The following ALOX12B variants were observed in gnomAD, a reference collection of about 807,000 sequenced individuals.
The protein encoded by ALOX12B is arachidonate 12-lipoxygenase, 12R type.
Under a neutral mutation model 78.9 loss-of-function variants are expected in ALOX12B, and 47 were observed. That is an observed-to-expected ratio of 0.60 (90% CI 0.47 to 0.76). The LOEUF is 0.76. ALOX12B is among the 30% of genes least tolerant of loss of function. ALOX12B has a pLI of 0.00. For missense variants in ALOX12B, 805 were observed against 922.6 expected (o/e 0.87, Z 1.65); for synonymous variants, 370 against 374.5 (o/e 0.99, Z 0.14).
At position 8,075,731 on chromosome 17, in the gene ALOX12B, G is replaced by T; in HGVS notation, c.1533-15C>A. The T allele has an allele frequency of 6.2e-7, 1 of 1,614,192 alleles. No individual in the cohort carries two copies. Among genetic ancestry groups the T allele is most frequent in the Non-Finnish European group, 8.5e-7 (1 of 1,180,030 alleles). ...CCGTCACATACCTGACCAGGGGACA[G>T]GGCCTCAGTTTGGATCCTCCTCCCC... On this transcript the variant is annotated splice_polypyrimidine_tract_variant and intron_variant, in intron 11 of 14. Coordinates refer to ENST00000647874, the MANE Select transcript of ALOX12B (RefSeq NM_001139.3).
At position 8,079,617 on chromosome 17, in the gene ALOX12B, G is replaced by T. The variant is rs772999921; in HGVS notation, c.928-78C>A. 6.5e-7 allele frequency: 1 copy of T among 1,539,088 alleles called. No individual in the cohort carries two copies. Among genetic ancestry groups the T allele is most frequent in the Non-Finnish European group, 8.8e-7 (1 of 1,139,868 alleles). On this transcript the variant is annotated intron_variant, in intron 7 of 14. Coordinates refer to ENST00000647874, the MANE Select transcript of ALOX12B (RefSeq NM_001139.3). This position sits in a 1 kb window ranked among gnomAD's most constrained non-coding sequence, Gnocchi z 6.4. ...GACCCGCGCCGCAGGTGCACAGGGC[G>T]CTGGCGACTAGGGGCAGGGGTGGGA...
intron 2 of ALOX12B, among the ~76,000 whole-genome samples, chr17:8,082,449 A>G (rs1206773658): frequency 1.3e-5 from 2 of 152,202 alleles, no homozygotes; most frequent in East Asian, 3.9e-4. Flanking sequence ...TTATCTATAA[A>G]CACTGTGTTC....
Position 8,087,251 on chromosome 17 carries a change from CACACACAG to C in ALOX12B, c.147+37_147+44del, listed in dbSNP as rs780060372. 0.025 allele frequency: 30,786 copies of C among 1,247,808 alleles called. 378 individuals are homozygous for C. The highest frequency in any genetic ancestry group is 0.051 in the East Asian group (1,786 of 34,726). The allele number at this position is 1,247,808 out of a possible 1,614,324, so 77.3% of individuals were successfully genotyped here. The stretch of plus-strand genomic sequence containing the variant: ...AGACACACACAGACACACACACACA[CACACACAG>C]ACACACACACACACACACACACACA... On this transcript the variant is annotated intron_variant, in intron 1 of 14. Coordinates refer to ENST00000647874, the MANE Select transcript of ALOX12B (RefSeq NM_001139.3).
At position 8,076,679 on chromosome 17, in the gene ALOX12B, T is replaced by C; in HGVS notation, c.1340A>G (p.Asn447Ser). The C allele has an allele frequency of 1.3e-6, 2 of 1,551,366 alleles. No homozygotes were observed. Among genetic ancestry groups the C allele is most frequent in the Middle Eastern group, 1.8e-4 (1 of 5,676 alleles). The change falls in exon 10 of 15, where the codon AAT (asparagine) becomes AGT (serine). Residue 447 changes from asparagine (N) to serine (S), a missense_variant. By Grantham distance (46) the Asn-to-Ser change is conservative. Transcript: ENST00000647874. ...TACCTTGGCAGAGAGCCCCCCCTCA[T>C]TGAGGAGAACGGCCCGGCCAATGCT... Reference protein sequence around the residue: ...INSIGRAVLLNEGGLSAKGMS... With the variant: ...INSIGRAVLLSEGGLSAKGMS...
intron 2 of ALOX12B, among the ~76,000 whole-genome samples, chr17:8,085,068 T>C (rs1444555175): frequency 2.0e-5 from 3 of 152,146 alleles, no homozygotes; most frequent in Non-Finnish European, 2.9e-5. Flanking sequence ...CCCTATTAGA[T>C]AGATCCTTAC....
chr17:8,086,030 A>G lies in ALOX12B; in HGVS notation c.338T>C (p.Leu113Pro), dbSNP rs1567985231. 1 of 1,614,120 alleles carries G rather than the reference A, an allele frequency of 6.2e-7. No homozygotes were observed. Among genetic ancestry groups the G allele is most frequent in the Non-Finnish European group, 8.5e-7 (1 of 1,179,994 alleles). The change falls in exon 2 of 15, where the codon CTC becomes CCC. Residue 113 changes from leucine (L) to proline (P), a missense_variant. By Grantham distance (98) the Leu-to-Pro change is moderately conservative (BLOSUM62 -3). Coordinates refer to ENST00000647874, the MANE Select transcript of ALOX12B (RefSeq NM_001139.3). Reference protein sequence around the residue: ...QWMDGYETLALREATGKTTAD... With the variant: ...QWMDGYETLAPREATGKTTAD... ...TGAGGGCTTACCTGTGGCCTCCCGG[A>G]GTGCCAGGGTCTCGTAGCCATCCAT... is the stretch of plus-strand genomic sequence containing the variant.
In ALOX12B at chr17:8,080,897, G is replaced by C. The variant is rs143010639; in HGVS notation, c.514C>G (p.Pro172Ala). 2 of 1,613,814 alleles carry C rather than the reference G, an allele frequency of 1.2e-6. No homozygotes were observed. Among genetic ancestry groups the C allele is most frequent in the African/African-American group, 2.7e-5 (2 of 74,880 alleles). Residue 172 changes from proline to alanine, a missense_variant, in exon 4 of 15, where the codon CCC becomes GCC. Coordinates refer to ENST00000647874, the MANE Select transcript of ALOX12B (RefSeq NM_001139.3). The surrounding 1 kb of genome is among the most constrained non-coding windows in gnomAD (Gnocchi z 4.8). ...YRPPVRRHRN[P>A]NRPEWNGYIP... is the part of the protein sequence containing the mutation. Reference sequence around the variant, plus strand: ...TCGGGTCCTTACTCAGGCCGGTTGGGGTTGCGATGCCTCCGCACCGGAGGG... The same window carrying C: ...TCGGGTCCTTACTCAGGCCGGTTGGCGTTGCGATGCCTCCGCACCGGAGGG...
Position 8,080,145 on chromosome 17 carries a change from C to T in ALOX12B, c.754+90G>A. 3 of 1,512,184 alleles carry T rather than the reference C, an allele frequency of 2.0e-6. No individual in the cohort carries two copies. Among genetic ancestry groups the T allele is most frequent in the Non-Finnish European group, 2.8e-6 (3 of 1,088,004 alleles). 93.7% of individuals were successfully genotyped at this position (1,512,184 alleles called of 1,614,324 possible). A position where few individuals can be genotyped will look rare whatever the true frequency, so the allele number is the denominator to read the frequency against. ...GCGCGCGCGCGCCTCGCTGCCTCTC[C>T]CGTCCCACTGCCCCGAAGTCGGGGG... On this transcript the variant is annotated intron_variant, in intron 6 of 14. Transcript: ENST00000647874. This position sits in a 1 kb window ranked among gnomAD's most constrained non-coding sequence, Gnocchi z 4.8.
chr17:8,081,862 C>G (rs2048369803), intron 2 of ALOX12B, among the ~76,000 whole-genome samples: 2 of 152,124 alleles, frequency 1.3e-5, no homozygotes, highest in Non-Finnish European at 2.9e-5. Context: ...AGGGTGGTCT[C>G]GAACTCCTGA....
At chr17:8,078,133 T>G (rs1977127483) in intron 8 of ALOX12B, among the ~76,000 whole-genome samples, 1 of 148,862 alleles carries the variant, frequency 6.7e-6, no homozygotes, top group Admixed American at 6.6e-5. Context: ...ATTTATTTAT[T>G]TATTTATTTA....
At chr17:8,084,341 T>C (rs1978291312) in intron 2 of ALOX12B, among the ~76,000 whole-genome samples, 1 of 152,126 alleles carries the variant, frequency 6.6e-6, no homozygotes, top group South Asian at 2.1e-4. Flanking sequence ...TCCACCTGCC[T>C]CAGCTCATGT....
chr17:8,073,743 A>G lies in ALOX12B; in HGVS notation c.1669T>C (p.Leu557=). The G allele has an allele frequency of 6.2e-7, 1 of 1,614,074 alleles. No homozygotes were observed. The highest frequency in any genetic ancestry group is 8.5e-7 in the Non-Finnish European group (1 of 1,179,966). ...CGGATCAGCTCAGGCACGGTTCGCAAGCACCTAGGGAAGCCTGACCGGCGG... is the reference window on the plus strand; with the variant it reads ...CGGATCAGCTCAGGCACGGTTCGCAGGCACCTAGGGAAGCCTGACCGGCGG... ...GRESSGFPRC[L]RTVPELIRYV... The change falls in exon 13 of 15, where the codon TTG becomes CTG. Residue 557 remains leucine (L), a synonymous_variant. Transcript: ENST00000647874.
chr17:8,087,181 G>T (rs1396345960), intron 1 of ALOX12B, 115 bp downstream of exon 1: 26 of 1,462,456 alleles, frequency 1.8e-5, no homozygotes, highest in Non-Finnish European at 2.4e-5. Context: ...CTCCCCCTGC[G>T]CACCTTCACC....
chr17:8,073,553 T>C (rs1252653741), intron 13 of ALOX12B, 104 bp downstream of exon 13: 2 of 1,178,342 alleles, frequency 1.7e-6, no homozygotes, highest in Non-Finnish European at 2.5e-6. Context: ...AAGTTGAGGC[T>C]GGACCAGGGA....
rs1298360653 is a variant in ALOX12B at position 8,080,621 on chromosome 17, A to G, written c.650+37T>C. The G allele has an allele frequency of 1.9e-6, 3 of 1,613,712 alleles. No homozygotes were observed. Among genetic ancestry groups the G allele is most frequent in the African/African-American group, 2.7e-5 (2 of 74,908 alleles). On this transcript the variant is annotated intron_variant, in intron 5 of 14. Coordinates refer to ENST00000647874, the MANE Select transcript of ALOX12B (RefSeq NM_001139.3). The surrounding 1 kb of genome is among the most constrained non-coding windows in gnomAD (Gnocchi z 4.8). ...GTTGGGGGAGAGGGAAAGTTCTTGC[A>G]GGAGCCCTCGTTCTCCCGTCACTCA... is the stretch of plus-strand genomic sequence containing the variant.
In ALOX12B at chr17:8,086,350, A is replaced by G. The variant is rs77717019; in HGVS notation, c.148-130T>C. ...CTCACCTCCCTGGACTGACGGAGGG[A>G]CAGGATATTGACCTGATCATTGAGC... On this transcript the variant is annotated intron_variant, in intron 1 of 14. Transcript: ENST00000647874. 6,455 of 926,608 alleles carry G rather than the reference A, an allele frequency of 7.0e-3. 105 individuals carry two copies. Among genetic ancestry groups the G allele is most frequent in the African/African-American group, 0.034 (2,066 of 61,100 alleles). The allele number at this position is 926,608 out of a possible 1,614,324, so 57.4% of individuals were successfully genotyped here.
At chr17:8,087,107 C>A (rs543701436) in intron 1 of ALOX12B, among the ~76,000 whole-genome samples, 189 bp downstream of exon 1, 25 of 152,272 alleles carry the variant, frequency 1.6e-4, no homozygotes, top group African/African-American at 5.5e-4. Flanking sequence ...CACTGGGGAG[C>A]CCACTGCCTT....
chr17:8,079,944 G>A lies in ALOX12B; in HGVS notation c.755-3C>T. On this transcript the variant is annotated splice_polypyrimidine_tract_variant and splice_region_variant and intron_variant, in intron 6 of 14. Transcript: ENST00000647874. The surrounding 1 kb of genome is among the most constrained non-coding windows in gnomAD (Gnocchi z 6.4). Reference sequence around the variant, plus strand: ...TGCCCAGTGCTCGGCCACGTACTCTGCGAGGACGGCGCGAGGGCGTCACAA... The same window carrying A: ...TGCCCAGTGCTCGGCCACGTACTCTACGAGGACGGCGCGAGGGCGTCACAA... 1 of 1,610,684 alleles carries A rather than the reference G, an allele frequency of 6.2e-7. No homozygotes were observed. Among genetic ancestry groups the A allele is most frequent in the Non-Finnish European group, 8.5e-7 (1 of 1,178,662 alleles).
At chr17:8,078,430 G>A (rs1282065702) in intron 8 of ALOX12B, among the ~76,000 whole-genome samples, 3 of 151,454 alleles carry the variant, frequency 2.0e-5, no homozygotes, top group East Asian at 2.0e-4. Flanking sequence ...GATTACAGGC[G>A]TGAGCCACCA....
Sources: gnomAD v4.1 joint callset for allele counts (sites outside exome capture counted in the v4.1 genomes callset) on GRCh38, gnomAD v4.1.1 for gene constraint, Gnocchi (gnomAD v3.1) non-coding constraint, MANE v1.5 for transcripts, NCBI Gene and HGNC (gene_info 2026-07-23, HGNC 2026-07-21) for gene names.